Variants in MAF observed in about 807,000 individuals in gnomAD.
The protein encoded by MAF is MAF bZIP transcription factor.
Under a neutral mutation model 22.0 loss-of-function variants are expected in MAF, and 10 were observed. That is an observed-to-expected ratio of 0.45 (90% CI 0.28 to 0.77). The LOEUF (loss-of-function observed/expected upper bound fraction) is 0.77, where lower values mean the gene tolerates loss of function less well. MAF is among the 30% of genes least tolerant of loss of function. MAF has a pLI of 0.12. For missense variants in MAF, 544 were observed against 548.4 expected, an observed-to-expected ratio of 0.99 and a Z score of 0.08; for synonymous variants, 337 against 255.8, an observed-to-expected ratio of 1.32 and a Z score of -3.03.
chr16:79,597,153 C>G, intron 1 of MAF: 2 of 1,057,006 alleles, frequency 1.9e-6, no homozygotes, highest in Non-Finnish European at 2.3e-6. Flanking sequence ...ACTCTACCCC[C>G]CTTAACATCA....
the MAF span, among the ~76,000 whole-genome samples, chr16:79,440,015 C>T: frequency 6.6e-6 from 1 of 152,214 alleles, no homozygotes; most frequent in Non-Finnish European, 1.5e-5. Context: ...GTCTGGAGAA[C>T]AGACAGGCAC....
the MAF span, among the ~76,000 whole-genome samples, chr16:79,474,656 T>C: frequency 7.2e-5 from 11 of 152,196 alleles, no homozygotes; most frequent in African/African-American, 2.4e-4. Context: ...TCATTCTTTT[T>C]CTTTTTTTGT....
the MAF span, among the ~76,000 whole-genome samples, chr16:79,284,717 C>G: frequency 5.3e-5 from 8 of 152,190 alleles, no homozygotes; most frequent in African/African-American, 1.7e-4. Flanking sequence ...GTCAAACTTT[C>G]CACTTTAACT....
intron 1 of MAF, chr16:79,598,434 C>CG (rs1159702744): frequency 3.5e-6 from 1 of 284,404 alleles, no homozygotes; most frequent in East Asian, 7.7e-5. Flanking sequence ...TGTGCAAGTC[C>CG]GGGGGTGGGG....
the MAF span, among the ~76,000 whole-genome samples, chr16:79,557,081 A>C: frequency 2.6e-5 from 4 of 151,682 alleles, no homozygotes; most frequent in Non-Finnish European, 5.9e-5. Context: ...CTGCAACTAC[A>C]GGCTCGCACC....
chr16:79,544,950 T>A, the MAF span, among the ~76,000 whole-genome samples: 1 of 152,162 alleles, frequency 6.6e-6, no homozygotes, highest in East Asian at 1.9e-4. Flanking sequence ...GTTTGGCCAT[T>A]GCTAAGTTAA....
chr16:79,344,464 A>C, the MAF span, among the ~76,000 whole-genome samples: 1 of 152,212 alleles, frequency 6.6e-6, no homozygotes, highest in African/African-American at 2.4e-5. Context: ...CTTAATAACT[A>C]TGCTTGGACA....
the MAF span, among the ~76,000 whole-genome samples, chr16:79,277,650 G>T: frequency 6.6e-6 from 1 of 152,176 alleles, no homozygotes; most frequent in Non-Finnish European, 1.5e-5. Flanking sequence ...ATGGCTTTAG[G>T]AATTGTACAG....
chr16:79,306,489 A>G, the MAF span, among the ~76,000 whole-genome samples: 1 of 152,164 alleles, frequency 6.6e-6, no homozygotes, highest in East Asian at 1.9e-4. Flanking sequence ...CTCCTGGTAG[A>G]GAGGAAGAGA....
chr16:79,339,357 C>T, the MAF span, among the ~76,000 whole-genome samples: 48 of 152,354 alleles, frequency 3.2e-4, no homozygotes, highest in African/African-American at 1.1e-3. Flanking sequence ...CCGCACCCGG[C>T]CTGGGTCATG....
At chr16:79,491,004 G>C in the MAF span, among the ~76,000 whole-genome samples, 1 of 152,184 alleles carries the variant, frequency 6.6e-6, no homozygotes, top group Non-Finnish European at 1.5e-5. Flanking sequence ...ATCACGTTGA[G>C]AATCAGAGAA....
the MAF span, among the ~76,000 whole-genome samples, chr16:79,507,308 A>C: frequency 2.0e-5 from 3 of 147,016 alleles, no homozygotes; most frequent in African/African-American, 7.6e-5. Flanking sequence ...AGTGGAGACC[A>C]GGTTTCATTG....
At chr16:79,505,955 G>C in the MAF span, among the ~76,000 whole-genome samples, 1 of 151,630 alleles carries the variant, frequency 6.6e-6, no homozygotes, top group African/African-American at 2.4e-5. Flanking sequence ...AAAAGAGAAA[G>C]AAAGAAAGAA....
intron 1 of MAF, chr16:79,596,661 G>A: frequency 1.9e-6 from 2 of 1,037,050 alleles, no homozygotes; most frequent in Non-Finnish European, 2.3e-6. Flanking sequence ...TATATTTATT[G>A]TGGTAAGATT....
the MAF span, among the ~76,000 whole-genome samples, chr16:79,446,755 A>G: frequency 2.0e-5 from 3 of 152,140 alleles, no homozygotes; most frequent in Admixed American, 1.3e-4. Context: ...TCTAAAAAAA[A>G]AAAATTAGCC....
chr16:79,357,423 C>T, the MAF span, among the ~76,000 whole-genome samples: 2 of 152,174 alleles, frequency 1.3e-5, no homozygotes, highest in African/African-American at 4.8e-5. Context: ...CAGAGTGAGA[C>T]ACTGTCTCAA....
the MAF span, among the ~76,000 whole-genome samples, chr16:79,210,085 TCAAG>T: frequency 8.5e-5 from 13 of 152,186 alleles, no homozygotes; most frequent in African/African-American, 2.9e-4. Context: ...TCCAGTATCA[TCAAG>T]CAGCCAGTTA....
At chr16:79,466,647 T>C in the MAF span, among the ~76,000 whole-genome samples, 1 of 152,230 alleles carries the variant, frequency 6.6e-6, no homozygotes, top group Admixed American at 6.5e-5. Context: ...GATTTTCAAA[T>C]GTTCTGCACA....
the MAF span, among the ~76,000 whole-genome samples, chr16:79,232,967 A>G: frequency 6.8e-6 from 1 of 145,992 alleles, no homozygotes; most frequent in East Asian, 2.1e-4. Context: ...CAGCCTCCCC[A>G]GCAGCTGGGA....
Sources: allele counts gnomAD v4.1 joint callset (sites outside exome capture counted in the v4.1 genomes callset), GRCh38; gene constraint gnomAD v4.1.1; transcripts MANE v1.5; gene names NCBI Gene and HGNC (gene_info 2026-07-23, HGNC 2026-07-21).